BDH1: variants seen among roughly 807,000 people sequenced by gnomAD.
The protein encoded by BDH1 is 3-hydroxybutyrate dehydrogenase 1.
A neutral mutation model predicts 33.1 loss-of-function variants in BDH1; 30 were observed. The ratio of observed to expected loss-of-function variants is 0.91; its 90% CI spans 0.68 to 1.23. The LOEUF (loss-of-function observed/expected upper bound fraction) is 1.23, where lower values mean the gene tolerates loss of function less well. BDH1 is among the 50% of genes most tolerant of loss of function. The pLI, the probability that BDH1 is intolerant of heterozygous loss-of-function variation, is 0.00. For missense variants in BDH1, 443 were observed against 464.4 expected (o/e 0.95, Z 0.42); for synonymous variants, 190 against 183.6 (o/e 1.03, Z -0.28).
chr3:197,530,649 T>C (rs1198087705), intron 5 of BDH1: 3 of 152,634 alleles, frequency 2.0e-5, no homozygotes, highest in Non-Finnish European at 4.4e-5. Flanking sequence ...GTGGCATTAT[T>C]TGTAATTGCA....
At chr3:197,555,019 C>T (rs1016872545) in intron 1 of BDH1, among the ~76,000 whole-genome samples, 2 of 152,220 alleles carry the variant, frequency 1.3e-5, no homozygotes, top group Non-Finnish European at 2.9e-5. Context: ...TTGGTTGAGA[C>T]AGCACCGCCC....
intron 3 of BDH1, among the ~76,000 whole-genome samples, chr3:197,541,403 GT>G (rs1443456606): frequency 6.6e-6 from 1 of 152,178 alleles, no homozygotes; most frequent in Non-Finnish European, 1.5e-5. Flanking sequence ...TGGTCGTGTG[GT>G]TATATTACTA....
At chr3:197,542,285 TC>T (rs1462002440) in intron 3 of BDH1, among the ~76,000 whole-genome samples, 1 of 152,152 alleles carries the variant, frequency 6.6e-6, no homozygotes, top group Non-Finnish European at 1.5e-5. Context: ...TGTGAGGCAA[TC>T]CCAGCTCATA....
chr3:197,561,983 C>A (rs913198509), intron 1 of BDH1, among the ~76,000 whole-genome samples: 1 of 152,204 alleles, frequency 6.6e-6, no homozygotes, highest in Non-Finnish European at 1.5e-5. Flanking sequence ...GGGCCACTCA[C>A]CCCTTTTGGA....
intron 3 of BDH1, among the ~76,000 whole-genome samples, chr3:197,538,135 T>G (rs1486433674): frequency 1.3e-5 from 2 of 152,194 alleles, no homozygotes; most frequent in South Asian, 2.1e-4. Flanking sequence ...ATATCCAGGG[T>G]TTTTAGTTGT....
In BDH1 at chr3:197,522,723, G is replaced by A. The variant is rs758135330; in HGVS notation, c.326C>T (p.Thr109Ile). 1 of 1,614,164 alleles carries A rather than the reference G, an allele frequency of 6.2e-7. No homozygotes were observed. The highest frequency in any genetic ancestry group is 1.1e-5 in the South Asian group (1 of 91,082). ...LDSLNSDRLR[T>I]VQLNVCSSEE... ...GCTGCTGCAGACATTGAGCTGGACG[G>A]TTCTCAATCGGTCACTGTTTAGGCT... The change falls in exon 6 of 8, where the codon ACC (threonine) becomes ATC (isoleucine). Residue 109 changes from threonine (T) to isoleucine (I), a missense_variant. Coordinates refer to ENST00000392379, the MANE Select transcript of BDH1 (RefSeq NM_203314.3). The surrounding 1 kb of genome is among the most constrained non-coding windows in gnomAD (Gnocchi z 4.8).
chr3:197,573,218 G>A (rs151163895), exon 1 of BDH1: 2 of 152,284 alleles, frequency 1.3e-5, no homozygotes, highest in Non-Finnish European at 2.9e-5. Context: ...CAGCATGCAG[G>A]ATCCTCTCCA....
chr3:197,542,685 G>A (rs571812549), intron 3 of BDH1, among the ~76,000 whole-genome samples: 8 of 151,924 alleles, frequency 5.3e-5, no homozygotes, highest in East Asian at 3.9e-4. Flanking sequence ...CACAGGCCCG[G>A]CTAATTTTGT....
upstream of BDH1, among the ~76,000 whole-genome samples, chr3:197,560,671 A>T (rs1189159260): frequency 6.6e-6 from 1 of 152,206 alleles, no homozygotes; most frequent in Non-Finnish European, 1.5e-5. Context: ...CTATTTCTTT[A>T]CTGCACCAAG....
intron 1 of BDH1, among the ~76,000 whole-genome samples, chr3:197,569,650 G>A (rs1217866598): frequency 1.3e-5 from 2 of 152,090 alleles, no homozygotes; most frequent in Non-Finnish European, 2.9e-5. Flanking sequence ...TTTACAAGGG[G>A]AAACCCCTTT....
upstream of BDH1, among the ~76,000 whole-genome samples, chr3:197,557,226 ACCTTAGGCACATGTCAGGACTT>A (rs1248450321): frequency 6.6e-6 from 1 of 152,048 alleles, no homozygotes; most frequent in Non-Finnish European, 1.5e-5. This position sits in a 1 kb window ranked among gnomAD's most constrained non-coding sequence, Gnocchi z 4.6. Context: ...TGTCCCAACC[ACCTTAGGCACATGTCAGGACTT>A]CCTGAGGCCA....
intron 1 of BDH1, among the ~76,000 whole-genome samples, chr3:197,572,078 T>C (rs1717627141): frequency 6.6e-6 from 1 of 152,158 alleles, no homozygotes; most frequent in African/African-American, 2.4e-5. Flanking sequence ...ACCAAGAGTT[T>C]TGCCTAGGCC....
intron 3 of BDH1, among the ~76,000 whole-genome samples, chr3:197,544,993 A>G (rs921338554): frequency 1.3e-5 from 2 of 152,206 alleles, no homozygotes; most frequent in African/African-American, 2.4e-5. Flanking sequence ...GGTTGCTCTG[A>G]GCCAAGAGGT....
chr3:197,542,765 G>A (rs1382442575), intron 3 of BDH1, among the ~76,000 whole-genome samples: 20 of 151,792 alleles, frequency 1.3e-4, no homozygotes, highest in Non-Finnish European at 1.5e-5. Flanking sequence ...CAGGTGATCC[G>A]CCCGCCTCAG....
chr3:197,535,615 G>A (rs1275618309), intron 3 of BDH1, among the ~76,000 whole-genome samples: 1 of 152,230 alleles, frequency 6.6e-6, no homozygotes, highest in Admixed American at 6.5e-5. Context: ...CCAAGGCTGA[G>A]AGAGTCCAGA....
chr3:197,531,437 G>A (rs957329926), intron 5 of BDH1, among the ~76,000 whole-genome samples: 4 of 145,398 alleles, frequency 2.8e-5, no homozygotes, highest in Non-Finnish European at 6.0e-5. Flanking sequence ...ATATATATAT[G>A]TGTATATATA....
At chr3:197,515,076 G>T (rs774331940) in intron 6 of BDH1, among the ~76,000 whole-genome samples, 11 of 152,228 alleles carry the variant, frequency 7.2e-5, no homozygotes, top group South Asian at 2.1e-4. Context: ...CCATCCTGGG[G>T]CCCTCCCCTG....
intron 3 of BDH1, among the ~76,000 whole-genome samples, chr3:197,543,366 C>G (rs776562475): frequency 6.6e-6 from 1 of 152,230 alleles, no homozygotes; most frequent in Non-Finnish European, 1.5e-5. Flanking sequence ...GAGCCCTTCT[C>G]CACTCTGCCC....
rs760442245 is a variant in BDH1 at position 197,512,331 on chromosome 3, C to A, written c.596G>T (p.Arg199Leu). Residue 199 changes from arginine (R) to leucine (L), a missense_variant, in exon 8 of 8, where the codon CGC becomes CTC. By Grantham distance (102) the Arg-to-Leu change is moderately radical. Transcript: ENST00000392379. The stretch of plus-strand genomic sequence containing the variant: ...CGGGGAGCGGGCCGGGTTGGCCATG[C>A]GGCCCAGCATGCTGCTGATATTGAC... The part of the protein sequence containing the change: ...RVVNISSMLG[R>L]MANPARSPYC... The A allele has an allele frequency of 1.2e-6, 2 of 1,609,872 alleles. No individual in the cohort carries two copies. The highest frequency in any genetic ancestry group is 1.1e-5 in the South Asian group (1 of 91,054).
Sources: allele counts gnomAD v4.1 joint callset (sites outside exome capture counted in the v4.1 genomes callset), GRCh38; gene constraint gnomAD v4.1.1; non-coding constraint Gnocchi (gnomAD v3.1); transcripts MANE v1.5; gene names NCBI Gene and HGNC (gene_info 2026-07-23, HGNC 2026-07-21).